CHST1: variants seen among roughly 807,000 people sequenced by gnomAD.
CHST1 encodes the protein Keratan sulfotransferase.
CHST1 carries 10 observed loss-of-function variants against 22.5 expected under a neutral mutation model. The ratio of observed to expected loss-of-function variants is 0.44; its 90% CI spans 0.27 to 0.75. The LOEUF (loss-of-function observed/expected upper bound fraction) is 0.75, where lower values mean the gene tolerates loss of function less well. Among genes scored for constraint, CHST1 ranks in the 30% least tolerant of loss-of-function variants. The pLI is 0.15. For synonymous variants in CHST1, 267 were observed against 264.5 expected (o/e 1.01, Z -0.09); for missense variants, 439 against 576.1 (o/e 0.76, Z 2.44).
In CHST1 at chr11:45,649,599, G is replaced by A; in HGVS notation, c.*89C>T. 7.6e-7 allele frequency: 1 copy of A among 1,320,158 alleles called. No homozygotes were observed. The highest frequency in any genetic ancestry group is 1.4e-5 in the South Asian group (1 of 71,242). The allele number at this position is 1,320,158 out of a possible 1,614,324, so 81.8% of individuals were successfully genotyped here. A position where few individuals can be genotyped will look rare whatever the true frequency, so the allele number is the denominator to read the frequency against. On this transcript the variant is annotated 3_prime_UTR_variant, in exon 4 of 4. Coordinates refer to ENST00000308064, the MANE Select transcript of CHST1 (RefSeq NM_003654.6). ...AAGGACACGAAGATGAGGTGGGAGA[G>A]GGAGGGGTTAATAAGGCAACAGTTA...
chr11:45,651,072 T>C (rs1169427614), intron 3 of CHST1, 107 bp from the exon 4 acceptor site: 2 of 768,306 alleles, frequency 2.6e-6, no homozygotes, highest in African/African-American at 3.5e-5. Context: ...CCGGCTCCTG[T>C]CCAGTGCTCA....
rs200393163 is a variant in CHST1, at chr11:45,649,955, C to T, written c.969G>A (p.Pro323=). 3.7e-6 allele frequency: 6 copies of T among 1,613,280 alleles called. No homozygotes were observed. The highest frequency in any genetic ancestry group is 5.1e-6 in the Non-Finnish European group (6 of 1,179,952). The change falls in exon 4 of 4, where the codon CCG becomes CCA. Residue 323 remains proline (P), a synonymous_variant. Transcript: ENST00000308064. The stretch of plus-strand genomic sequence containing the variant: ...TCCAGCGGGCCACGTGGCTGTCCAG[C>T]GGGATGCCCAGGAACCCGTAGATCT... ...TEEIYGFLGI[P]LDSHVARWIQ...
At chr11:45,658,797 C>T (rs45509100) in intron 1 of CHST1, among the ~76,000 whole-genome samples, 379 of 148,758 alleles carry the variant, frequency 2.5e-3, no homozygotes, top group Non-Finnish European at 4.1e-3. Context: ...TTCCTGTCCC[C>T]CGCCCCACCG....
At chr11:45,656,003 A>C (rs1372244416) in intron 1 of CHST1, among the ~76,000 whole-genome samples, 3 of 152,158 alleles carry the variant, frequency 2.0e-5, no homozygotes, top group East Asian at 3.9e-4. Context: ...TCTGTCCCCC[A>C]CCTCGGCCTG....
intron 1 of CHST1, among the ~76,000 whole-genome samples, chr11:45,656,522 G>C (rs1349052575): frequency 1.3e-5 from 2 of 152,194 alleles, no homozygotes. Context: ...AGCTAGTAAC[G>C]GGAGATGTCC....
intron 1 of CHST1, among the ~76,000 whole-genome samples, chr11:45,654,768 T>C (rs1323067890): frequency 1.3e-5 from 2 of 152,194 alleles, no homozygotes; most frequent in African/African-American, 4.8e-5. Context: ...AGCAGGCAAG[T>C]TGGTGAGCTT....
At chr11:45,655,595 G>A (rs1428168049) in intron 1 of CHST1, among the ~76,000 whole-genome samples, 1 of 152,230 alleles carries the variant, frequency 6.6e-6, no homozygotes, top group African/African-American at 2.4e-5. Flanking sequence ...CCCGGGCTGC[G>A]GCCTCTGCTC....
Position 45,650,534 on chromosome 11 carries a change from G to A in CHST1, c.390C>T (p.Cys130=). Residue 130 remains cysteine, a synonymous_variant, in exon 4 of 4, where the codon TGC becomes TGT. Transcript: ENST00000308064. ...TGTAGTTCTCCAGGAAGTAGAGGTC[G>A]CAGTCGTAGAGGCTCCGCAGGAGGT... The part of the protein sequence containing the change: ...SRDLLRSLYD[C]DLYFLENYIK... 1 of 1,613,938 alleles carries A rather than the reference G, an allele frequency of 6.2e-7. No individual in the cohort carries two copies.
chr11:45,650,939 T>C lies in CHST1; in HGVS notation c.-16A>G. 1.3e-6 allele frequency: 2 copies of C among 1,520,320 alleles called. No homozygotes were observed. Among genetic ancestry groups the C allele is most frequent in the East Asian group, 2.3e-5 (1 of 44,018 alleles). The allele number at this position is 1,520,320 out of a possible 1,614,324, so 94.2% of individuals were successfully genotyped here. The stretch of plus-strand genomic sequence containing the variant: ...AACATTGCATGGCTGGGCACCTTCA[T>C]GGGGCTGCTTCTCCAAGGGGTGAGG... On this transcript the variant is annotated 5_prime_UTR_variant, in exon 4 of 4. It removes an upstream start codon present in the reference 5' UTR. Coordinates refer to ENST00000308064, the MANE Select transcript of CHST1 (RefSeq NM_003654.6).
rs1851952944 is a variant in CHST1 at position 45,649,029 on chromosome 11, T to A, written c.*659A>T. The A allele has an allele frequency of 6.6e-6, 1 of 151,608 alleles. No homozygotes were observed. The highest frequency in any genetic ancestry group is 1.5e-5 in the Non-Finnish European group (1 of 67,912). 9.4% of individuals were successfully genotyped at this position (151,608 alleles called of 1,614,324 possible). A position where few individuals can be genotyped will look rare whatever the true frequency, so the allele number is the denominator to read the frequency against. On this transcript the variant is annotated 3_prime_UTR_variant, in exon 4 of 4. Coordinates refer to ENST00000308064, the MANE Select transcript of CHST1 (RefSeq NM_003654.6). ...ATCAATCAGAAGCTCATAAGATTCATCAGTCATCACTGGTCCAGGGGCGGC... is the reference window on the plus strand; with the variant it reads ...ATCAATCAGAAGCTCATAAGATTCAACAGTCATCACTGGTCCAGGGGCGGC...
At chr11:45,659,099 C>T (rs41474450) in intron 1 of CHST1, among the ~76,000 whole-genome samples, 9,564 of 152,270 alleles carry the variant, frequency 0.063, 443 homozygotes, top group Non-Finnish European at 0.098. Context: ...AGGCTGCCGA[C>T]GTGGATACTC....
chr11:45,657,208 G>T (rs1207756799), intron 1 of CHST1, among the ~76,000 whole-genome samples: 1 of 152,182 alleles, frequency 6.6e-6, no homozygotes, highest in Non-Finnish European at 1.5e-5. Context: ...TGACTCTGAC[G>T]TAGCCAGCAC....
chr11:45,649,554 T>C lies in CHST1; in HGVS notation c.*134A>G, dbSNP rs1851962028. ...GAGACAAAAAAGGGGCAGAAGGGAG[T>C]GGGGTGAGCTGGGGGCAGGAAGGAC... On this transcript the variant is annotated 3_prime_UTR_variant, in exon 4 of 4. Coordinates refer to ENST00000308064, the MANE Select transcript of CHST1 (RefSeq NM_003654.6). 6 of 886,018 alleles carry C rather than the reference T, an allele frequency of 6.8e-6. No homozygotes were observed. The highest frequency in any genetic ancestry group is 8.5e-6 in the Non-Finnish European group (5 of 586,992). 54.9% of individuals were successfully genotyped at this position (886,018 alleles called of 1,614,324 possible).
chr11:45,650,195 G>A lies in CHST1; in HGVS notation c.729C>T (p.Arg243=). 1.2e-6 allele frequency: 2 copies of A among 1,611,912 alleles called. No homozygotes were observed. The highest frequency in any genetic ancestry group is 1.7e-6 in the Non-Finnish European group (2 of 1,179,980). The part of the protein sequence containing the change: ...VRDPRGILAS[R]SETFRDTYRL... ...GGTACGTGTCGCGGAAGGTCTCGCTGCGCGAAGCCAGAATGCCGCGGGGGT... is the reference window on the plus strand; with the variant it reads ...GGTACGTGTCGCGGAAGGTCTCGCTACGCGAAGCCAGAATGCCGCGGGGGT... Residue 243 remains arginine (R), a synonymous_variant, in exon 4 of 4, where the codon CGC becomes CGT. Transcript: ENST00000308064.
intron 1 of CHST1, among the ~76,000 whole-genome samples, chr11:45,663,007 C>T (rs7121818): frequency 0.96 from 146,382 of 152,314 alleles, 70,357 homozygotes; most frequent in East Asian, 1. Context: ...GCCGCTACAC[C>T]GAGTCCTCTG....
intron 1 of CHST1, among the ~76,000 whole-genome samples, chr11:45,653,261 A>T (rs1852020498): frequency 6.7e-6 from 1 of 150,218 alleles, no homozygotes; most frequent in Non-Finnish European, 1.5e-5. Flanking sequence ...CAGGGTCCTC[A>T]CTCCCACTGT....
In CHST1 at chr11:45,665,144, G is replaced by A. The variant is rs12804655; in HGVS notation, c.-227+34C>T. 68,964 of 151,350 alleles carry A rather than the reference G, an allele frequency of 0.46. 17,547 individuals carry two copies. The highest frequency in any genetic ancestry group is 0.69 in the African/African-American group (28,658 of 41,306). 9.4% of individuals were successfully genotyped at this position (151,350 alleles called of 1,614,324 possible). ...CTGCTGCGGCGGAGTGTCCGCTCCC[G>A]CCCGCCCCGGAGCCCGCGGGGCCCG... On this transcript the variant is annotated intron_variant, in intron 1 of 3. Transcript: ENST00000308064. The surrounding 1 kb of genome is among the most constrained non-coding windows in gnomAD (Gnocchi z 4.0).
In CHST1 at chr11:45,650,588, G is replaced by T. The variant is rs866922083; in HGVS notation, c.336C>A (p.Asp112Glu). The change falls in exon 4 of 4, where the codon GAC becomes GAA. Residue 112 changes from aspartate (D) to glutamate (E), a missense_variant. Physicochemically the swap from Asp to Glu is conservative, Grantham distance 45. Coordinates refer to ENST00000308064, the MANE Select transcript of CHST1 (RefSeq NM_003654.6). ...PRFTQGKSPA[D>E]RRVMLGASRD... ...GGCTGGCGCCTAGCATGACCCGCCG[G>T]TCGGCCGGGCTCTTGCCCTGGGTGA... is the stretch of plus-strand genomic sequence containing the variant. 6.2e-7 allele frequency: 1 copy of T among 1,614,008 alleles called. No individual in the cohort carries two copies. Among genetic ancestry groups the T allele is most frequent in the Middle Eastern group, 1.6e-4 (1 of 6,062 alleles).
At chr11:45,662,060 G>A (rs1056317159) in intron 1 of CHST1, among the ~76,000 whole-genome samples, 6 of 152,236 alleles carry the variant, frequency 3.9e-5, no homozygotes, top group African/African-American at 1.4e-4. Flanking sequence ...CTTGGGGTTA[G>A]GAGAGTGTGC....
Sources: gnomAD v4.1 joint callset for allele counts (sites outside exome capture counted in the v4.1 genomes callset) on GRCh38, gnomAD v4.1.1 for gene constraint, Gnocchi (gnomAD v3.1) non-coding constraint, MANE v1.5 for transcripts, NCBI Gene and HGNC (gene_info 2026-07-23, HGNC 2026-07-21) for gene names.